Variants in RNF24 observed in about 807,000 individuals in gnomAD.
The protein encoded by RNF24 is ring finger protein 24.
RNF24 carries 14 observed loss-of-function variants against 20.0 expected under a neutral mutation model. That is an observed-to-expected ratio of 0.70 (90% CI 0.46 to 1.10). The LOEUF is 1.10. Among genes scored for constraint, RNF24 ranks in the 50% least tolerant of loss-of-function variants. The pLI is 0.00. For missense variants in RNF24, 124 were observed against 177.6 expected (o/e 0.70, Z 1.71); for synonymous variants, 45 against 61.1 (o/e 0.74, Z 1.23).
chr20:4,013,323 T>C (rs533584424), intron 1 of RNF24, among the ~76,000 whole-genome samples: 205 of 152,336 alleles, frequency 1.3e-3, no homozygotes, highest in Non-Finnish European at 2.5e-3. Context: ...TTACATTTCA[T>C]TTTCCACTGA....
At position 3,930,614 on chromosome 20, in the gene RNF24, A is replaced by C. The variant is rs780710797; in HGVS notation, c.*3449T>G. On this transcript the variant is annotated 3_prime_UTR_variant, in exon 6 of 6. Transcript: ENST00000358395. ...GGTGATTCCATCACTCTCTGCCTGG[A>C]GCTCTGGGTATACTGCCCTGGATGT... The C allele has an allele frequency of 2.6e-5, 4 of 152,208 alleles. No homozygotes were observed. Among genetic ancestry groups the C allele is most frequent in the Non-Finnish European group, 5.9e-5 (4 of 68,036 alleles). 9.4% of individuals were successfully genotyped at this position (152,208 alleles called of 1,614,324 possible). A position where few individuals can be genotyped will look rare whatever the true frequency, so the allele number is the denominator to read the frequency against.
Position 3,927,781 on chromosome 20 carries a change from C to T in RNF24, c.*6282G>A, listed in dbSNP as rs61743425. 3 of 152,240 alleles carry T rather than the reference C, an allele frequency of 2.0e-5. No individual in the cohort carries two copies. The highest frequency in any genetic ancestry group is 7.2e-5 in the African/African-American group (3 of 41,442). 9.4% of individuals were successfully genotyped at this position (152,240 alleles called of 1,614,324 possible). ...CAGTGGGCGTGAGATGCAGATCCAC[C>T]AGGCTTGGGACTGGCAAAGGGAGCT... On this transcript the variant is annotated 3_prime_UTR_variant, in exon 6 of 6. Transcript: ENST00000358395.
At chr20:3,984,236 TA>T (rs556690597) in intron 1 of RNF24, among the ~76,000 whole-genome samples, 226 of 142,458 alleles carry the variant, frequency 1.6e-3, no homozygotes, top group Admixed American at 1.5e-3. Flanking sequence ...CCCTGTCTCT[TA>T]AAAAAAAAAA....
intron 1 of RNF24, among the ~76,000 whole-genome samples, chr20:3,995,997 T>C (rs963617058): frequency 2.2e-4 from 33 of 152,322 alleles, no homozygotes; most frequent in African/African-American, 7.7e-4. Context: ...CAAAGCGCTA[T>C]TATTCTGGTT....
intron 2 of RNF24, among the ~76,000 whole-genome samples, chr20:3,953,544 C>T (rs996229614): frequency 3.0e-4 from 43 of 142,562 alleles, no homozygotes; most frequent in African/African-American, 1.0e-3. Context: ...AGCTCACTGC[C>T]ACCTCCGCCT....
chr20:4,008,578 C>T (rs1353754045), intron 1 of RNF24, among the ~76,000 whole-genome samples: 12 of 135,798 alleles, frequency 8.8e-5, no homozygotes, highest in Non-Finnish European at 1.1e-4. Flanking sequence ...GACAGAGTCT[C>T]GCTCTGTCAC....
chr20:3,994,782 G>A (rs1029408549), intron 1 of RNF24, among the ~76,000 whole-genome samples: 6 of 152,134 alleles, frequency 3.9e-5, no homozygotes, highest in Admixed American at 2.0e-4. Context: ...CTTTAATGGT[G>A]AATTCTTAGT....
rs1291370511 is a variant in RNF24, at chr20:3,932,287, G to C, written c.*1776C>G. 4 of 152,208 alleles carry C rather than the reference G, an allele frequency of 2.6e-5. No homozygotes were observed. The highest frequency in any genetic ancestry group is 2.6e-4 in the Admixed American group (4 of 15,278). 9.4% of individuals were successfully genotyped at this position (152,208 alleles called of 1,614,324 possible). On this transcript the variant is annotated 3_prime_UTR_variant, in exon 6 of 6. Transcript: ENST00000358395. ...AGAATGCAAAAAGACGGTGAAAGTA[G>C]GAGTGCATAAATAGTTTTTTTCATG...
chr20:3,968,058 C>G (rs2091278298), intron 1 of RNF24, among the ~76,000 whole-genome samples: 2 of 149,614 alleles, frequency 1.3e-5, no homozygotes, highest in South Asian at 4.2e-4. Context: ...GTAATCCCAG[C>G]ACTTTGGGAG....
intron 1 of RNF24, among the ~76,000 whole-genome samples, chr20:3,974,991 G>A (rs1978740658): frequency 6.6e-6 from 1 of 152,122 alleles, no homozygotes; most frequent in South Asian, 2.1e-4. Context: ...AGAGGAATCA[G>A]TCTATTCAAT....
At chr20:3,991,336 C>G (rs535834317) in intron 1 of RNF24, among the ~76,000 whole-genome samples, 72 of 150,606 alleles carry the variant, frequency 4.8e-4, no homozygotes, top group African/African-American at 1.7e-3. Context: ...ACTGCAACCT[C>G]CGCCTACCTG....
rs2090802732 is a variant in RNF24, at chr20:3,930,217, A to G, written c.*3846T>C. 6.6e-6 allele frequency: 1 copy of G among 152,232 alleles called. No homozygotes were observed. The highest frequency in any genetic ancestry group is 1.5e-5 in the Non-Finnish European group (1 of 68,036). The allele number at this position is 152,232 out of a possible 1,614,324, so 9.4% of individuals were successfully genotyped here. On this transcript the variant is annotated 3_prime_UTR_variant, in exon 6 of 6. Transcript: ENST00000358395. Reference sequence around the variant, plus strand: ...GAATGGATTACCTATTCAAAACATTAAGAAAGAAATATTCAGCACTGAACA... The same window carrying G: ...GAATGGATTACCTATTCAAAACATTGAGAAAGAAATATTCAGCACTGAACA...
intron 1 of RNF24, among the ~76,000 whole-genome samples, chr20:3,999,821 T>C (rs561121703): frequency 6.6e-6 from 1 of 152,258 alleles, no homozygotes; most frequent in East Asian, 1.9e-4. Flanking sequence ...TCAGGATAAG[T>C]CAGTATATCT....
At position 3,932,579 on chromosome 20, in the gene RNF24, G is replaced by T; in HGVS notation, c.*1484C>A. 4.8e-6 allele frequency: 1 copy of T among 208,774 alleles called. No individual in the cohort carries two copies. Among genetic ancestry groups the T allele is most frequent in the Non-Finnish European group, 9.4e-6 (1 of 106,274 alleles). The allele number at this position is 208,774 out of a possible 1,614,324, so 12.9% of individuals were successfully genotyped here. A position where few individuals can be genotyped will look rare whatever the true frequency, so the allele number is the denominator to read the frequency against. ...AGGTTGGATTCCAGAAAAAAATCCT[G>T]GAGTCATGCCAAGAGCAGAGTAGCA... On this transcript the variant is annotated 3_prime_UTR_variant, in exon 6 of 6. Transcript: ENST00000358395.
chr20:3,995,021 T>C (rs1329908166), intron 1 of RNF24, among the ~76,000 whole-genome samples: 2 of 152,216 alleles, frequency 1.3e-5, no homozygotes, highest in East Asian at 3.8e-4. Context: ...TAGCAATTCA[T>C]AGCCAGGAAC....
At chr20:3,963,851 T>A in intron 2 of RNF24, 24 bp downstream of exon 2, 1 of 1,512,992 alleles carries the variant, frequency 6.6e-7, no homozygotes, top group Non-Finnish European at 9.0e-7. Context: ...TATTTTGAAG[T>A]AACATAGAAT....
rs2090962133 is a variant in RNF24 at position 3,942,041 on chromosome 20, T to C, written c.228+3136A>G. Reference sequence around the variant, plus strand: ...GTGAGCCAAGATTGTACCACTGCACTCCAGCCTGGGCAGTAGAGCTAGACT... The same window carrying C: ...GTGAGCCAAGATTGTACCACTGCACCCCAGCCTGGGCAGTAGAGCTAGACT... On this transcript the variant is annotated intron_variant, in intron 4 of 5. Transcript: ENST00000358395. Among the ~76,000 whole-genome samples the C allele has an allele frequency of 1.4e-5, 2 of 143,330 alleles. 1 individual carries two copies. Among genetic ancestry groups the C allele is most frequent in the South Asian group, 4.4e-4 (2 of 4,508 alleles). The allele number at this position is 143,330 out of a possible 152,430, so 94.0% of individuals were successfully genotyped here. A position where few individuals can be genotyped will look rare whatever the true frequency, so the allele number is the denominator to read the frequency against.
chr20:3,976,585 T>C (rs899267206), intron 1 of RNF24, among the ~76,000 whole-genome samples: 2 of 152,244 alleles, frequency 1.3e-5, no homozygotes, highest in African/African-American at 2.4e-5. Context: ...CAAATGTTCA[T>C]AGCAGCTTTA....
At chr20:3,978,848 G>A (rs973484948) in intron 1 of RNF24, among the ~76,000 whole-genome samples, 4 of 152,128 alleles carry the variant, frequency 2.6e-5, no homozygotes, top group African/African-American at 9.7e-5. Flanking sequence ...GCTCATGCCT[G>A]TAATCCCAGC....
Sources: allele counts gnomAD v4.1 joint callset (sites outside exome capture counted in the v4.1 genomes callset), GRCh38; gene constraint gnomAD v4.1.1; transcripts MANE v1.5; gene names NCBI Gene and HGNC (gene_info 2026-07-23, HGNC 2026-07-21).